The following CCDC40 variants were observed in gnomAD, a reference collection of about 807,000 sequenced individuals.
The protein encoded by CCDC40 is coiled-coil domain 40 molecular ruler complex subunit.
CCDC40 carries 104 observed loss-of-function variants against 124.5 expected under a neutral mutation model. That is an observed-to-expected ratio of 0.84 (90% confidence interval 0.71 to 0.98). CCDC40 has a LOEUF of 0.98. CCDC40 is among the 50% of genes least tolerant of loss of function. CCDC40 has a pLI of 0.00. For missense variants in CCDC40, 1,463 were observed against 1,503.9 expected (o/e 0.97, Z 0.45); for synonymous variants, 580 against 602.9 (o/e 0.96, Z 0.56).
chr17:80,089,756 C>T lies in CCDC40; in HGVS notation c.2712-8C>T. The T allele has an allele frequency of 6.2e-7, 1 of 1,614,216 alleles. No individual in the cohort carries two copies. The highest frequency in any genetic ancestry group is 2.2e-5 in the East Asian group (1 of 44,890). On this transcript the variant is annotated splice_polypyrimidine_tract_variant and splice_region_variant and intron_variant, in intron 16 of 19. Transcript: ENST00000397545. ...TAATTTCTTACACTGCCTCTCCTAC[C>T]TCTAAAGACACCAGATTATGCTTTG...
rs750628862 is a variant in CCDC40 at position 80,040,073 on chromosome 17, C to A, written c.355C>A (p.Pro119Thr). Reference sequence around the variant, plus strand: ...AGATACGACTTACCCGTATTTCAGTCCTCCTCAGGAACTGCCTGGAGAGGA... The same window carrying A: ...AGATACGACTTACCCGTATTTCAGTACTCCTCAGGAACTGCCTGGAGAGGA... ...AADTTYPYFSPPQELPGEEAY... is the reference protein window; with the variant it reads ...AADTTYPYFSTPQELPGEEAY... Residue 119 changes from proline to threonine, a missense_variant, in exon 3 of 20, where the codon CCT becomes ACT. Pro to Thr is a conservative substitution (Grantham distance 38, BLOSUM62 -1). Transcript: ENST00000397545. 6.2e-7 allele frequency: 1 copy of A among 1,614,114 alleles called. No homozygotes were observed. Among genetic ancestry groups the A allele is most frequent in the Admixed American group, 1.7e-5 (1 of 60,030 alleles).
chr17:80,083,651 G>C (rs940916867), intron 12 of CCDC40, among the ~76,000 whole-genome samples: 1 of 152,188 alleles, frequency 6.6e-6, no homozygotes, highest in African/African-American at 2.4e-5. Context: ...CACCATTGCA[G>C]CTGTGACTGC....
At chr17:80,052,561 A>C in intron 7 of CCDC40, among the ~76,000 whole-genome samples, 1 of 151,944 alleles carries the variant, frequency 6.6e-6, no homozygotes, top group East Asian at 1.9e-4. Context: ...AATCAAGTTG[A>C]CACTCAGTAT....
intron 7 of CCDC40, among the ~76,000 whole-genome samples, chr17:80,056,989 C>T (rs1287768349): frequency 2.8e-5 from 4 of 144,118 alleles, no homozygotes; most frequent in Admixed American, 6.9e-5. Context: ...TGCAGTGAGC[C>T]GAGATCACCA....
At chr17:80,050,789 G>A (rs2037563898) in intron 7 of CCDC40, among the ~76,000 whole-genome samples, 1 of 152,226 alleles carries the variant, frequency 6.6e-6, no homozygotes, top group African/African-American at 2.4e-5. Flanking sequence ...AGCAAATGCT[G>A]AAGCTGCTAA....
chr17:80,064,442 G>A (rs116733591), intron 9 of CCDC40, among the ~76,000 whole-genome samples: 2,246 of 152,200 alleles, frequency 0.015, 56 homozygotes, highest in African/African-American at 0.052. Flanking sequence ...ACAAGACCGC[G>A]ATCCAGGCCG....
chr17:80,090,945 A>C (rs2038711462), intron 17 of CCDC40: 1 of 463,112 alleles, frequency 2.2e-6, no homozygotes, highest in Non-Finnish European at 3.0e-6. Flanking sequence ...TTGCTGGAGC[A>C]AGACAAGCTC....
chr17:80,070,233 C>A (rs2038155580), intron 10 of CCDC40, among the ~76,000 whole-genome samples: 2 of 152,136 alleles, frequency 1.3e-5, no homozygotes, highest in Admixed American at 1.3e-4. Flanking sequence ...CCCCATATAC[C>A]CAAGGACACT....
chr17:80,100,237 A>C lies in CCDC40; in HGVS notation c.*462A>C. 5.3e-6 allele frequency: 1 copy of C among 187,832 alleles called. No individual in the cohort carries two copies. 11.6% of individuals were successfully genotyped at this position (187,832 alleles called of 1,614,324 possible). A position where few individuals can be genotyped will look rare whatever the true frequency, so the allele number is the denominator to read the frequency against. On this transcript the variant is annotated 3_prime_UTR_variant, in exon 20 of 20. Transcript: ENST00000397545. ...TTCCCTCTACTAGGTGCATCTGAAA[A>C]CCCACAAACCACCTTCTTTACCAGT...
chr17:80,072,739 T>A (rs1243280025), intron 10 of CCDC40, among the ~76,000 whole-genome samples: 1 of 152,194 alleles, frequency 6.6e-6, no homozygotes, highest in Non-Finnish European at 1.5e-5. Context: ...CCCACCCATG[T>A]TGCAAGATCA....
At chr17:80,090,268 C>T (rs1307406694) in intron 17 of CCDC40, 1 of 1,106,460 alleles carries the variant, frequency 9.0e-7, no homozygotes, top group South Asian at 1.8e-5. Context: ...CGCGCGCGGG[C>T]ACGTGCACGA....
In CCDC40 at chr17:80,099,754, C is replaced by G. The variant is rs186591691; in HGVS notation, c.3408C>G (p.Leu1136=). 9.3e-6 allele frequency: 15 copies of G among 1,613,406 alleles called. No homozygotes were observed. In the East Asian group the frequency reaches 1.3e-4, roughly 14 times the overall value. Residue 1136 remains leucine (L), a synonymous_variant, in exon 20 of 20, where the codon CTC becomes CTG. Transcript: ENST00000397545. ...TCAGCCAGATGATCGCCAACAAGCT[C>G]GAGTCACCAGGGCCCTCCTAGGGAG... ...HKVSQMIANK[L]ESPGPS
At chr17:80,059,549 G>T (rs1025720399) in intron 9 of CCDC40, among the ~76,000 whole-genome samples, 1 of 145,080 alleles carries the variant, frequency 6.9e-6, no homozygotes, top group Non-Finnish European at 1.5e-5. Context: ...GGAATGACAC[G>T]GAGGAAACAA....
At chr17:80,052,312 G>T (rs2037621949) in intron 7 of CCDC40, among the ~76,000 whole-genome samples, 2 of 152,198 alleles carry the variant, frequency 1.3e-5, no homozygotes, top group Admixed American at 1.3e-4. Flanking sequence ...GGAGTCCAGT[G>T]TTCAAGGGCA....
intron 3 of CCDC40, among the ~76,000 whole-genome samples, chr17:80,045,682 C>T (rs569230740): frequency 8.6e-5 from 13 of 151,976 alleles, no homozygotes; most frequent in African/African-American, 2.4e-5. Flanking sequence ...CCAGCCTGGG[C>T]GACAGAGCGA....
rs201042940 is a variant in CCDC40 at position 80,048,756 on chromosome 17, G to T, written c.850G>T (p.Asp284Tyr). The change falls in exon 5 of 20, where the codon GAC becomes TAC. Residue 284 changes from aspartate to tyrosine, a missense_variant. Transcript: ENST00000397545. ...EGSQLVVLDP[D>Y]HPLMVRFQAA... ...GTCCCAGCTGGTGGTTTTGGACCCAGACCACGTAAGGAAGCCTTCCCAGGT... is the reference window on the plus strand; with the variant it reads ...GTCCCAGCTGGTGGTTTTGGACCCATACCACGTAAGGAAGCCTTCCCAGGT... The T allele has an allele frequency of 6.2e-7, 1 of 1,608,774 alleles. No homozygotes were observed. Among genetic ancestry groups the T allele is most frequent in the Non-Finnish European group, 8.5e-7 (1 of 1,177,572 alleles).
Position 80,040,008 on chromosome 17 carries a change from A to T in CCDC40, c.290A>T (p.Tyr97Phe). 6.2e-7 allele frequency: 1 copy of T among 1,614,220 alleles called. No homozygotes were observed. Among genetic ancestry groups the T allele is most frequent in the South Asian group, 1.1e-5 (1 of 91,090 alleles). The change falls in exon 3 of 20, where the codon TAT becomes TTT. Residue 97 changes from tyrosine to phenylalanine, a missense_variant. Tyr to Phe is a conservative substitution (Grantham distance 22). Coordinates refer to ENST00000397545, the MANE Select transcript of CCDC40 (RefSeq NM_017950.4). ...GDAESEEEYY[Y>F]TETSSPEGQI... is the part of the protein sequence containing the mutation. Reference sequence around the variant, plus strand: ...GCTGAAAGCGAAGAGGAATATTACTATACAGAAACTTCATCCCCGGAAGGG... The same window carrying T: ...GCTGAAAGCGAAGAGGAATATTACTTTACAGAAACTTCATCCCCGGAAGGG...
intron 9 of CCDC40, among the ~76,000 whole-genome samples, chr17:80,065,152 CCTT>C (rs1459801750): frequency 2.6e-4 from 18 of 68,254 alleles, no homozygotes; most frequent in African/African-American, 1.0e-3. Flanking sequence ...CCTTCTCCCT[CCTT>C]CATCTTCCCC....
chr17:80,082,190 T>C (rs1663861436), intron 12 of CCDC40, 132 bp downstream of exon 12: 2 of 763,852 alleles, frequency 2.6e-6, no homozygotes, highest in Non-Finnish European at 2.3e-6. Flanking sequence ...CTCCTTTCCA[T>C]GGTGTTCAGG....
Sources: allele counts gnomAD v4.1 joint callset (sites outside exome capture counted in the v4.1 genomes callset), GRCh38; gene constraint gnomAD v4.1.1; transcripts MANE v1.5; gene names NCBI Gene and HGNC (gene_info 2026-07-23, HGNC 2026-07-21).